The following EXOC4 variants were observed in gnomAD, a reference collection of about 807,000 sequenced individuals.
EXOC4 encodes SEC8-like 1.
Under a neutral mutation model 107.2 loss-of-function variants are expected in EXOC4, and 71 were observed. That is an observed-to-expected ratio of 0.66 (90% CI 0.55 to 0.81). The LOEUF (loss-of-function observed/expected upper bound fraction) is 0.81, where lower values mean the gene tolerates loss of function less well. EXOC4 is among the 30% of genes least tolerant of loss of function. The pLI is 0.00. For missense variants in EXOC4, 1,108 were observed against 1,189.6 expected (o/e 0.93, Z 1.01); for synonymous variants, 456 against 441.2 (o/e 1.03, Z -0.42).
At chr7:133,357,228 G>T (rs977770193) in intron 6 of EXOC4, among the ~76,000 whole-genome samples, 4 of 152,168 alleles carry the variant, frequency 2.6e-5, no homozygotes, top group Non-Finnish European at 5.9e-5. Context: ...GGCAATTTAT[G>T]TATATTATCT....
intron 11 of EXOC4, among the ~76,000 whole-genome samples, chr7:133,849,266 T>G (rs745614630): frequency 1.8e-4 from 28 of 152,112 alleles, no homozygotes; most frequent in Non-Finnish European, 3.7e-4. Context: ...TACAAAGAAA[T>G]TCAATTAGCT....
chr7:133,304,043 G>T (rs1237165858), intron 3 of EXOC4, among the ~76,000 whole-genome samples: 1 of 152,102 alleles, frequency 6.6e-6, no homozygotes, highest in East Asian at 1.9e-4. Context: ...GTACTGTTTG[G>T]GTTAAAAATC....
rs188568929 is a variant in EXOC4 at position 133,595,641 on chromosome 7, C to T, written c.1418-34404C>T. ...TATGAGCTATAACTCCCCTTATCCC[C>T]ATTTTACTGATATGGAAAATAGTGA... On this transcript the variant is annotated intron_variant, in intron 9 of 17. Transcript: ENST00000253861. Among the ~76,000 whole-genome samples, 3 of 152,280 alleles carry T rather than the reference C, an allele frequency of 2.0e-5. No individual in the cohort carries two copies. In the East Asian group the frequency reaches 5.8e-4, roughly 29 times the overall value.
At chr7:133,600,573 A>G (rs1225592668) in intron 9 of EXOC4, among the ~76,000 whole-genome samples, 2 of 152,224 alleles carry the variant, frequency 1.3e-5, no homozygotes, top group Non-Finnish European at 2.9e-5. Flanking sequence ...ACGCCAAATA[A>G]TTAGAAAATC....
chr7:133,478,301 TGTG>T lies in EXOC4; in HGVS notation c.1329-1746_1329-1744del, dbSNP rs912344275. Among the ~76,000 whole-genome samples the T allele has an allele frequency of 6.7e-5, 10 of 148,714 alleles. No homozygotes were observed. The South Asian group carries it at 1.7e-3, about 25-fold the overall frequency. Reference sequence around the variant, plus strand: ...AACATTTAGCCAGTGCTTCTGAAGTTGTGGTATTGGGAAAAAAAAAAAAAGAAA... The same window carrying T: ...AACATTTAGCCAGTGCTTCTGAAGTTGTATTGGGAAAAAAAAAAAAAGAAA... On this transcript the variant is annotated intron_variant, in intron 8 of 17. Coordinates refer to ENST00000253861, the MANE Select transcript of EXOC4 (RefSeq NM_021807.4).
chr7:134,052,230 C>G (rs2346451), intron 17 of EXOC4, among the ~76,000 whole-genome samples: 60,458 of 151,960 alleles, frequency 0.4, 12,618 homozygotes, highest in East Asian at 0.61. Flanking sequence ...GACATGGGAT[C>G]ACATAAAGGG....
At chr7:133,663,300 C>G (rs1402579323) in intron 10 of EXOC4, among the ~76,000 whole-genome samples, 1 of 152,052 alleles carries the variant, frequency 6.6e-6, no homozygotes, top group Admixed American at 6.6e-5. Flanking sequence ...CCTGTAGTAC[C>G]CAGGGGTTAG....
intron 9 of EXOC4, among the ~76,000 whole-genome samples, chr7:133,601,558 C>T (rs971450918): frequency 1.3e-5 from 2 of 152,148 alleles, no homozygotes; most frequent in Non-Finnish European, 2.9e-5. Context: ...TCCAGCCTCT[C>T]CCTCCCCATC....
chr7:133,652,718 T>C (rs1803191754), intron 10 of EXOC4, among the ~76,000 whole-genome samples: 1 of 152,178 alleles, frequency 6.6e-6, no homozygotes, highest in South Asian at 2.1e-4. Context: ...CCTTGGCCTT[T>C]CCGCCTCCGA....
rs1306680977 is a variant in EXOC4, at chr7:133,732,187, A to G, written c.1515-85138A>G. Among the ~76,000 whole-genome samples, 4 of 152,222 alleles carry G rather than the reference A, an allele frequency of 2.6e-5. No individual in the cohort carries two copies. In the East Asian group the frequency reaches 7.7e-4, roughly 29 times the overall value. ...GCCATTATCCTCAGCAAACTAACAC[A>G]GGAACAGAAAACCAAACACCACATT... On this transcript the variant is annotated intron_variant, in intron 10 of 17. Transcript: ENST00000253861.
chr7:133,388,943 G>A lies in EXOC4; in HGVS notation c.1182+13941G>A, dbSNP rs914915773. On this transcript the variant is annotated intron_variant, in intron 7 of 17. Coordinates refer to ENST00000253861, the MANE Select transcript of EXOC4 (RefSeq NM_021807.4). ...TGGCTGGCTTTGGCTGATTGCTAGC[G>A]TCATTTGCTATTTATTTTTGTCCTG... 2.6e-5 allele frequency among the ~76,000 whole-genome samples: 4 copies of A among 152,082 alleles called. No individual in the cohort carries two copies. The East Asian group carries it at 5.8e-4, about 22-fold the overall frequency.
chr7:134,019,415 G>GTGGTGATGATGATGATGA (rs1794979388), intron 17 of EXOC4, among the ~76,000 whole-genome samples: 1 of 148,646 alleles, frequency 6.7e-6, no homozygotes, highest in East Asian at 2.0e-4. Context: ...CTTTCTCTCA[G>GTGGTGATGATGATGATGA]TGATGATGAT....
At chr7:133,496,043 C>G (rs954633470) in intron 9 of EXOC4, among the ~76,000 whole-genome samples, 1 of 152,010 alleles carries the variant, frequency 6.6e-6, no homozygotes, top group Middle Eastern at 3.2e-3. Context: ...TTCCTTACTT[C>G]TGCTACTCTT....
intron 11 of EXOC4, among the ~76,000 whole-genome samples, chr7:133,878,911 G>A (rs564461208): frequency 2.6e-5 from 4 of 152,092 alleles, no homozygotes; most frequent in East Asian, 1.9e-4. Context: ...TTTTAGTAGA[G>A]ATGGGGTTTC....
chr7:133,961,746 T>A (rs1800950040), intron 14 of EXOC4, among the ~76,000 whole-genome samples: 1 of 152,200 alleles, frequency 6.6e-6, no homozygotes. Context: ...TTTCAAAGAT[T>A]GAGTAACTTT....
intron 11 of EXOC4, among the ~76,000 whole-genome samples, chr7:133,853,475 C>T (rs1007064564): frequency 6.6e-6 from 1 of 152,014 alleles, no homozygotes; most frequent in Admixed American, 6.6e-5. Flanking sequence ...AAGCAATCCT[C>T]CCACCTCAAC....
chr7:133,782,741 C>T (rs917214623), intron 10 of EXOC4, among the ~76,000 whole-genome samples: 3 of 152,086 alleles, frequency 2.0e-5, no homozygotes, highest in African/African-American at 4.8e-5. Flanking sequence ...AAATGTTCCT[C>T]GGACCCGGGT....
chr7:133,955,240 T>C (rs997134791), intron 14 of EXOC4, among the ~76,000 whole-genome samples: 1 of 152,218 alleles, frequency 6.6e-6, no homozygotes, highest in African/African-American at 2.4e-5. Flanking sequence ...GGAGCTTTAT[T>C]GAGCAACAAA....
intron 10 of EXOC4, among the ~76,000 whole-genome samples, chr7:133,773,075 C>T (rs922386045): frequency 3.3e-5 from 5 of 152,006 alleles, no homozygotes; most frequent in African/African-American, 9.7e-5. Context: ...GTCCCTAGGT[C>T]ATTGCTTTCA....
Sources: gnomAD v4.1 joint callset for allele counts (sites outside exome capture counted in the v4.1 genomes callset) on GRCh38, gnomAD v4.1.1 for gene constraint, MANE v1.5 for transcripts, NCBI Gene and HGNC (gene_info 2026-07-23, HGNC 2026-07-21) for gene names.